The following KIZ variants were observed in gnomAD, a reference collection of about 807,000 sequenced individuals.
The protein encoded by KIZ is kizuna centrosomal protein, also known as centrosomal protein kizuna.
KIZ carries 68 observed loss-of-function variants against 79.6 expected under a neutral mutation model. The observed-to-expected ratio is 0.85, with a 90% confidence interval of 0.70 to 1.05. The LOEUF (loss-of-function observed/expected upper bound fraction) is 1.05. Ranked by LOEUF, KIZ falls within the 50% of genes least tolerant of loss-of-function variation. KIZ has a pLI of 0.00. For synonymous variants in KIZ, 280 were observed against 281.8 expected (o/e 0.99, Z 0.06); for missense variants, 797 against 800.4 (o/e 1.00, Z 0.05).
intron 6 of KIZ, chr20:21,194,252 C>A (rs2035241745): frequency 1.3e-5 from 2 of 152,190 alleles, no homozygotes; most frequent in Non-Finnish European, 2.9e-5. Flanking sequence ...GTTCCTCCAC[C>A]TGCCAGACCT....
At chr20:21,130,795 C>A (rs934287652) in intron 1 of KIZ, among the ~76,000 whole-genome samples, 5 of 152,046 alleles carry the variant, frequency 3.3e-5, no homozygotes, top group African/African-American at 1.2e-4. Flanking sequence ...AGTTATGTAA[C>A]CTGTAATGTA....
At chr20:21,175,857 A>G (rs930775329) in intron 6 of KIZ, among the ~76,000 whole-genome samples, 2 of 152,120 alleles carry the variant, frequency 1.3e-5, no homozygotes, top group African/African-American at 4.8e-5. Context: ...TCTACCAAAA[A>G]ATACAAAAAT....
At chr20:21,126,025 T>C (rs1180270823), upstream of KIZ, 6 of 1,354,350 alleles carry the variant, frequency 4.4e-6, no homozygotes, top group Admixed American at 7.1e-5. Flanking sequence ...GCGCGGTGTT[T>C]ACCCGCGGTG....
intron 7 of KIZ, among the ~76,000 whole-genome samples, chr20:21,209,660 A>G (rs979062129): frequency 6.6e-6 from 1 of 152,262 alleles, no homozygotes; most frequent in Non-Finnish European, 1.5e-5. Flanking sequence ...ATTTCTCTTT[A>G]AACACCAAGA....
At chr20:21,141,374 T>G (rs534678224) in intron 3 of KIZ, among the ~76,000 whole-genome samples, 59 of 152,286 alleles carry the variant, frequency 3.9e-4, no homozygotes, top group African/African-American at 1.3e-3. Context: ...ACAGGGAACT[T>G]CTGGTAAGTG....
chr20:21,133,593 C>G (rs2031985242), intron 2 of KIZ, among the ~76,000 whole-genome samples: 1 of 152,180 alleles, frequency 6.6e-6, no homozygotes, highest in Admixed American at 6.5e-5. Flanking sequence ...TTACTGTTTC[C>G]TGGAAGACAG....
chr20:21,209,578 TAA>T (rs34527828), intron 7 of KIZ, among the ~76,000 whole-genome samples: 3 of 151,006 alleles, frequency 2.0e-5, no homozygotes, highest in African/African-American at 7.3e-5. Flanking sequence ...TCTTCTCATT[TAA>T]AAAAAAAATT....
At chr20:21,142,609 G>C (rs1388170777) in intron 3 of KIZ, among the ~76,000 whole-genome samples, 1 of 151,990 alleles carries the variant, frequency 6.6e-6, no homozygotes, top group Non-Finnish European at 1.5e-5. Context: ...TGGACAACAT[G>C]ATGAGAACCT....
At chr20:21,153,570 T>C (rs2033226577) in intron 4 of KIZ, among the ~76,000 whole-genome samples, 1 of 152,158 alleles carries the variant, frequency 6.6e-6, no homozygotes, top group Admixed American at 6.5e-5. Context: ...AGAAGAAGAC[T>C]TAAAAATCAC....
intron 1 of KIZ, among the ~76,000 whole-genome samples, chr20:21,130,404 A>G (rs2031766105): frequency 6.6e-6 from 1 of 152,184 alleles, no homozygotes; most frequent in South Asian, 2.1e-4. Flanking sequence ...TTGTAATTTA[A>G]TGACAAGTTG....
chr20:21,204,132 T>C, intron 6 of KIZ, among the ~76,000 whole-genome samples: 1 of 123,034 alleles, frequency 8.1e-6, no homozygotes, highest in Admixed American at 8.3e-5. Context: ...TTTTTTTTTT[T>C]TGAGACGGAG....
intron 9 of KIZ, 69 bp downstream of exon 9, chr20:21,215,717 G>T: frequency 9.1e-7 from 1 of 1,102,334 alleles, no homozygotes; most frequent in Non-Finnish European, 1.3e-6. Flanking sequence ...GAACATTTTG[G>T]GTCAGTGGTT....
chr20:21,179,489 T>C (rs1280772810), intron 6 of KIZ, among the ~76,000 whole-genome samples: 2 of 151,966 alleles, frequency 1.3e-5, no homozygotes, highest in African/African-American at 4.8e-5. Flanking sequence ...GTAGTCTAGC[T>C]AACGGTTTGT....
At chr20:21,231,517 A>G (rs779542161) in intron 10 of KIZ, among the ~76,000 whole-genome samples, 5 of 152,044 alleles carry the variant, frequency 3.3e-5, no homozygotes, top group Non-Finnish European at 5.9e-5. Flanking sequence ...CTTGCCCCAT[A>G]CTCAAAATTA....
chr20:21,175,358 T>C (rs1009211332), intron 6 of KIZ, among the ~76,000 whole-genome samples: 1 of 152,206 alleles, frequency 6.6e-6, no homozygotes, highest in African/African-American at 2.4e-5. Context: ...CTCAGCAAAG[T>C]AGGCAATAAT....
At chr20:21,154,667 A>G (rs768629205) in intron 4 of KIZ, among the ~76,000 whole-genome samples, 1 of 152,228 alleles carries the variant, frequency 6.6e-6, no homozygotes, top group Non-Finnish European at 1.5e-5. Flanking sequence ...TGGCAATAAC[A>G]TCTGTCTCTC....
intron 6 of KIZ, among the ~76,000 whole-genome samples, chr20:21,200,806 T>C (rs2035566451): frequency 6.6e-6 from 1 of 152,166 alleles, no homozygotes; most frequent in Admixed American, 6.5e-5. Context: ...TCTGAATTCC[T>C]GCTCACAAAA....
At chr20:21,221,540 A>G (rs561666772) in intron 9 of KIZ, among the ~76,000 whole-genome samples, 1 of 152,230 alleles carries the variant, frequency 6.6e-6, no homozygotes, top group South Asian at 2.1e-4. Flanking sequence ...GTCCATTCAG[A>G]CTCTCATTCT....
chr20:21,139,438 A>G (rs1008723052), intron 3 of KIZ, among the ~76,000 whole-genome samples: 2 of 152,172 alleles, frequency 1.3e-5, no homozygotes, highest in African/African-American at 4.8e-5. Flanking sequence ...TTCTTTTAGT[A>G]TTCATGAAAA....
Sources: gnomAD v4.1 joint callset for allele counts (sites outside exome capture counted in the v4.1 genomes callset) on GRCh38, gnomAD v4.1.1 for gene constraint, MANE v1.5 for transcripts, NCBI Gene and HGNC (gene_info 2026-07-23, HGNC 2026-07-21) for gene names.